USP34: variants seen among roughly 807,000 people sequenced by gnomAD.
USP34 encodes ubiquitin carboxyl-terminal hydrolase 34.
A neutral mutation model predicts 460.3 loss-of-function variants in USP34; 70 were observed. The observed-to-expected ratio is 0.15, with a 90% CI of 0.13 to 0.19. USP34 has a LOEUF of 0.19. Among genes scored for constraint, USP34 ranks in the 10% least tolerant of loss-of-function variants. USP34 has a pLI of 1.00. For missense variants in USP34, 3,985 were observed against 4,236.2 expected, an observed-to-expected ratio of 0.94 and a Z score of 1.65; for synonymous variants, 1,647 against 1,405.3, an observed-to-expected ratio of 1.17 and a Z score of -3.85.
In USP34 at chr2:61,227,959, T is replaced by C. The variant is rs535672547; in HGVS notation, c.7443+686A>G. 6.6e-5 allele frequency among the ~76,000 whole-genome samples: 10 copies of C among 152,338 alleles called. No individual in the cohort carries two copies. The East Asian group carries it at 1.4e-3, about 21-fold the overall frequency. On this transcript the variant is annotated intron_variant, in intron 61 of 79. Transcript: ENST00000398571. ...AAATAGTGGGTATTTCAAAGAGATA[T>C]TCACTTGGGCTTCTAAATGCAGACT... is the stretch of plus-strand genomic sequence containing the variant.
intron 75 of USP34, among the ~76,000 whole-genome samples, chr2:61,201,420 G>A (rs955301676): frequency 2.6e-5 from 4 of 151,832 alleles, no homozygotes; most frequent in Non-Finnish European, 2.9e-5. Flanking sequence ...TCACCATGTT[G>A]GCCAGGATGG....
intron 7 of USP34, 146 bp from the exon 8 acceptor site, chr2:61,378,570 C>G (rs1292719052): frequency 1.9e-6 from 1 of 513,976 alleles, no homozygotes; most frequent in Admixed American, 4.2e-5. Flanking sequence ...TAATCAGAGA[C>G]ACACGCTTCC....
chr2:61,380,442 T>G (rs1319408367), intron 6 of USP34, 81 bp from the exon 7 acceptor site: 11 of 1,398,306 alleles, frequency 7.9e-6, no homozygotes, highest in Non-Finnish European at 9.6e-6. Context: ...AAATGTACAT[T>G]GTAAGCATTA....
intron 71 of USP34, 73 bp from the exon 72 acceptor site, chr2:61,206,197 C>T (rs1261701073): frequency 8.1e-7 from 1 of 1,228,020 alleles, no homozygotes; most frequent in African/African-American, 1.5e-5. Flanking sequence ...CTACTGTAAA[C>T]TACAGAATGC....
chr2:61,437,386 A>G (rs1004575286), intron 1 of USP34, among the ~76,000 whole-genome samples: 2 of 152,200 alleles, frequency 1.3e-5, no homozygotes, highest in African/African-American at 2.4e-5. Context: ...ATCATTAGAG[A>G]CTGCTGACCA....
At chr2:61,355,695 A>C (rs1396526576) in intron 10 of USP34, among the ~76,000 whole-genome samples, 1 of 152,230 alleles carries the variant, frequency 6.6e-6, no homozygotes, top group Non-Finnish European at 1.5e-5. Flanking sequence ...GGAAGAAATG[A>C]GGCAGAAAAA....
chr2:61,302,326 T>A (rs1213819220), intron 27 of USP34, among the ~76,000 whole-genome samples: 1 of 152,228 alleles, frequency 6.6e-6, no homozygotes, highest in Non-Finnish European at 1.5e-5. Context: ...ATTTTAAAAT[T>A]ACCTTTCCCT....
intron 27 of USP34, among the ~76,000 whole-genome samples, chr2:61,306,399 T>C (rs1690405237): frequency 6.6e-6 from 1 of 152,206 alleles, no homozygotes; most frequent in Non-Finnish European, 1.5e-5. Context: ...GTATTATTTC[T>C]GAGGGTTCTG....
chr2:61,278,868 G>C (rs759598698), intron 39 of USP34, among the ~76,000 whole-genome samples: 1 of 151,560 alleles, frequency 6.6e-6, no homozygotes, highest in African/African-American at 2.4e-5. Context: ...ACAATTCACC[G>C]TTTGTTTTAA....
intron 1 of USP34, among the ~76,000 whole-genome samples, chr2:61,447,354 T>A (rs1315208486): frequency 6.6e-6 from 1 of 151,356 alleles, no homozygotes; most frequent in Non-Finnish European, 1.5e-5. Flanking sequence ...TTCAAGTTCA[T>A]GGTGTCAGGT....
intron 1 of USP34, among the ~76,000 whole-genome samples, chr2:61,429,559 C>G (rs1381059516): frequency 6.6e-6 from 1 of 151,886 alleles, no homozygotes; most frequent in Admixed American, 6.6e-5. Flanking sequence ...CACAGGCAGT[C>G]GAGGTTGCAG....
At chr2:61,441,802 C>CAAAAAAAA (rs70963429) in intron 1 of USP34, among the ~76,000 whole-genome samples, 6 of 97,332 alleles carry the variant, frequency 6.2e-5, no homozygotes, top group Non-Finnish European at 8.5e-5. Flanking sequence ...GACTGCATTA[C>CAAAAAAAA]AAAAAAAAAA....
At chr2:61,460,980 CAAAAAAAAAAAA>C (rs1168262727) in intron 1 of USP34, among the ~76,000 whole-genome samples, 28 of 81,134 alleles carry the variant, frequency 3.5e-4, no homozygotes, top group African/African-American at 1.3e-3. Flanking sequence ...GACTCCATCT[CAAAAAAAAAAAA>C]AGAAAAAAAA....
chr2:61,216,177 G>A (rs1227957796), intron 67 of USP34, among the ~76,000 whole-genome samples: 2 of 152,082 alleles, frequency 1.3e-5, no homozygotes, highest in South Asian at 2.1e-4. Context: ...CTATATACTA[G>A]TCTGCTTAGT....
chr2:61,285,802 T>A (rs1481468477), intron 34 of USP34, among the ~76,000 whole-genome samples: 2 of 152,214 alleles, frequency 1.3e-5, no homozygotes, highest in Non-Finnish European at 2.9e-5. Context: ...AGATTCAAAA[T>A]CCTGAGGTTC....
intron 73 of USP34, 28 bp downstream of exon 73, chr2:61,204,469 T>C (rs771562023): frequency 6.2e-7 from 1 of 1,612,246 alleles, no homozygotes; most frequent in Non-Finnish European, 8.5e-7. Flanking sequence ...CGAACCATAT[T>C]GAAGTACTGT....
At chr2:61,189,173 T>C in intron 78 of USP34, 104 bp from the exon 79 acceptor site, 1 of 1,225,276 alleles carries the variant, frequency 8.2e-7, no homozygotes, top group Non-Finnish European at 1.1e-6. Flanking sequence ...ATCCATTCTT[T>C]CCTAAGAATA....
chr2:61,417,502 A>G (rs914627870), intron 2 of USP34: 2 of 218,724 alleles, frequency 9.1e-6, no homozygotes, highest in East Asian at 2.1e-4. Flanking sequence ...TACCTGAGAA[A>G]TCAGACCATG....
chr2:61,263,193 T>TTG (rs1688946873), intron 43 of USP34, among the ~76,000 whole-genome samples: 1 of 131,068 alleles, frequency 7.6e-6, no homozygotes, highest in Non-Finnish European at 1.7e-5. Flanking sequence ...TTTTTTTTTT[T>TTG]TTTTTGAGAG....
Sources: allele counts gnomAD v4.1 joint callset (sites outside exome capture counted in the v4.1 genomes callset), GRCh38; gene constraint gnomAD v4.1.1; transcripts MANE v1.5; gene names NCBI Gene and HGNC (gene_info 2026-07-23, HGNC 2026-07-21).